FBXO34: variants seen among roughly 807,000 people sequenced by gnomAD.
The protein encoded by FBXO34 is F-box only protein 34.
A neutral mutation model predicts 24.5 loss-of-function variants in FBXO34; 12 were observed. The ratio of observed to expected loss-of-function variants is 0.49; its 90% confidence interval spans 0.31 to 0.79. The LOEUF is 0.79. Ranked by LOEUF, FBXO34 falls within the 30% of genes least tolerant of loss-of-function variation. The pLI, the probability that FBXO34 is intolerant of heterozygous loss-of-function variation, is 0.04. For missense variants in FBXO34, 823 were observed against 857.7 expected (o/e 0.96, Z 0.51); for synonymous variants, 320 against 311.9 (o/e 1.03, Z -0.27).
chr14:55,373,067 A>G (rs1025352323), downstream of FBXO34, among the ~76,000 whole-genome samples: 1 of 152,168 alleles, frequency 6.6e-6, no homozygotes, highest in African/African-American at 2.4e-5. Context: ...GATTAGAGAT[A>G]CATCACCTGC....
downstream of FBXO34, among the ~76,000 whole-genome samples, chr14:55,356,817 C>T (rs150053705): frequency 1.7e-3 from 258 of 152,122 alleles, no homozygotes; most frequent in Non-Finnish European, 2.7e-3. Flanking sequence ...GGCATGATCT[C>T]GACTCATTGC....
intron 1 of FBXO34, among the ~76,000 whole-genome samples, chr14:55,317,409 A>G (rs951094193): frequency 1.3e-5 from 2 of 152,094 alleles, no homozygotes; most frequent in Non-Finnish European, 2.9e-5. Flanking sequence ...GAGCCCGGGA[A>G]GGCAGAGGTT....
At chr14:55,354,344 T>G (rs982951650), downstream of FBXO34, among the ~76,000 whole-genome samples, 4 of 152,166 alleles carry the variant, frequency 2.6e-5, no homozygotes, top group African/African-American at 9.7e-5. Context: ...TCTTAATTGG[T>G]TTGTTATGAT....
intron 1 of FBXO34, among the ~76,000 whole-genome samples, chr14:55,290,731 A>G (rs1881918460): frequency 6.6e-6 from 1 of 152,242 alleles, no homozygotes; most frequent in African/African-American, 2.4e-5. Flanking sequence ...TCATAGCCAC[A>G]TCTGAATGCA....
chr14:55,343,482 C>T (rs1207202029), intron 1 of FBXO34, among the ~76,000 whole-genome samples: 1 of 152,140 alleles, frequency 6.6e-6, no homozygotes, highest in African/African-American at 2.4e-5. Flanking sequence ...AACTCCTGAC[C>T]TCGTGATCTG....
chr14:55,397,453 A>G, the FBXO34 span: 2 of 1,596,702 alleles, frequency 1.3e-6, no homozygotes, highest in Admixed American at 1.7e-5. Context: ...AAAAAATTCA[A>G]TGTCTTATTT....
the FBXO34 span, among the ~76,000 whole-genome samples, chr14:55,381,343 C>T: frequency 3.9e-5 from 6 of 152,186 alleles, no homozygotes; most frequent in Non-Finnish European, 8.8e-5. Context: ...CCATTGGGGC[C>T]TTTCAGTCTC....
intron 1 of FBXO34, among the ~76,000 whole-genome samples, chr14:55,314,732 AAAAG>A (rs1177452935): frequency 6.6e-6 from 1 of 152,240 alleles, no homozygotes; most frequent in African/African-American, 2.4e-5. Flanking sequence ...TTAATCTGAA[AAAAG>A]AACTAAAACA....
intron 1 of FBXO34, among the ~76,000 whole-genome samples, chr14:55,346,128 T>G (rs997500037): frequency 6.6e-6 from 1 of 152,224 alleles, no homozygotes; most frequent in African/African-American, 2.4e-5. Flanking sequence ...GCCTTCAAAT[T>G]GTATCTTAAT....
intron 1 of FBXO34, among the ~76,000 whole-genome samples, chr14:55,327,707 G>A (rs1222040158): frequency 6.6e-6 from 1 of 152,046 alleles, no homozygotes; most frequent in Non-Finnish European, 1.5e-5. Context: ...TCCAAGTGGA[G>A]ATTTCGAATA....
downstream of FBXO34, among the ~76,000 whole-genome samples, chr14:55,372,532 T>C (rs1429399026): frequency 6.6e-6 from 1 of 151,548 alleles, no homozygotes; most frequent in African/African-American, 2.4e-5. Context: ...CACAGCTCAC[T>C]CCTCCCTTCC....
intron 1 of FBXO34, chr14:55,299,233 C>T (rs575706357): frequency 3.8e-5 from 32 of 853,198 alleles, no homozygotes; most frequent in Admixed American, 2.4e-4. Flanking sequence ...AAGAGGAAGA[C>T]GACGACATGA....
At chr14:55,371,165 C>T (rs1392412300), downstream of FBXO34, among the ~76,000 whole-genome samples, 1 of 152,168 alleles carries the variant, frequency 6.6e-6, no homozygotes, top group African/African-American at 2.4e-5. Flanking sequence ...TCACTGATAA[C>T]GACTTTGGGG....
chr14:55,287,865 A>G (rs1881813457), intron 1 of FBXO34, among the ~76,000 whole-genome samples: 1 of 152,220 alleles, frequency 6.6e-6, no homozygotes, highest in Non-Finnish European at 1.5e-5. Flanking sequence ...AATAAGCCCA[A>G]CATGCATTTG....
At position 55,286,761 on chromosome 14, in the gene FBXO34, T is replaced by C. The variant is rs894646216; in HGVS notation, c.-11+15224T>C. ...TTTGATGTTTGTACTACAGGTTGAG[T>C]ATCTCTTATCTTACATGCTTGGGAC... On this transcript the variant is annotated intron_variant, in intron 1 of 1. Coordinates refer to ENST00000313833, the MANE Select transcript of FBXO34 (RefSeq NM_017943.4). Among the ~76,000 whole-genome samples the C allele has an allele frequency of 1.9e-4, 29 of 152,148 alleles. 1 individual carries two copies. The highest frequency in any genetic ancestry group is 2.9e-5 in the Non-Finnish European group (2 of 68,032).
chr14:55,339,892 G>A (rs1044373911), intron 1 of FBXO34, among the ~76,000 whole-genome samples: 1 of 152,132 alleles, frequency 6.6e-6, no homozygotes, highest in Non-Finnish European at 1.5e-5. Context: ...GTAGAAGGAA[G>A]AATAGTTACT....
At chr14:55,373,956 C>G (rs984080880), downstream of FBXO34, among the ~76,000 whole-genome samples, 5 of 152,192 alleles carry the variant, frequency 3.3e-5, no homozygotes, top group African/African-American at 1.2e-4. Flanking sequence ...TCCTGAAGTT[C>G]TACTTCCTGT....
At chr14:55,333,807 G>A (rs1198456232) in intron 1 of FBXO34, among the ~76,000 whole-genome samples, 1 of 151,316 alleles carries the variant, frequency 6.6e-6, no homozygotes, top group Non-Finnish European at 1.5e-5. Context: ...ACTTTATAGT[G>A]TTTCTTGTTG....
chr14:55,416,585 G>A, the FBXO34 span, among the ~76,000 whole-genome samples: 1 of 152,128 alleles, frequency 6.6e-6, no homozygotes, highest in Non-Finnish European at 1.5e-5. Context: ...CTGGTTCTTT[G>A]GGGTAGAAAA....
Sources: allele counts gnomAD v4.1 joint callset (sites outside exome capture counted in the v4.1 genomes callset), GRCh38; gene constraint gnomAD v4.1.1; transcripts MANE v1.5; gene names NCBI Gene and HGNC (gene_info 2026-07-23, HGNC 2026-07-21).